The following GRID1 variants were observed in gnomAD, a reference collection of about 807,000 sequenced individuals.
GRID1 encodes the protein glutamate receptor ionotropic, delta-1.
GRID1 carries 28 observed loss-of-function variants against 98.0 expected under a neutral mutation model. The ratio of observed to expected loss-of-function variants is 0.29; its 90% CI spans 0.21 to 0.39. The LOEUF is 0.39. GRID1 is among the 10% of genes least tolerant of loss of function. GRID1 has a pLI of 1.00. For missense variants in GRID1, 1,111 were observed against 1,340.5 expected (o/e 0.83, Z 2.67); for synonymous variants, 553 against 538.5 (o/e 1.03, Z -0.37).
chr10:85,897,582 C>A (rs1841311298), intron 5 of GRID1, among the ~76,000 whole-genome samples: 1 of 152,066 alleles, frequency 6.6e-6, no homozygotes, highest in African/African-American at 2.4e-5. Context: ...TATTGAGTGC[C>A]TACAGAAGTC....
rs971366488 is a variant in GRID1 at position 85,634,205 on chromosome 10, T to A, written c.2193+12997A>T. ...AAAAAAGTTTACCAGTAGAGGGGCT[T>A]TATAGGGGTAGTGGGGGAATTCCTG... On this transcript the variant is annotated intron_variant, in intron 13 of 15. Coordinates refer to ENST00000327946, the MANE Select transcript of GRID1 (RefSeq NM_017551.3). 2.1e-5 allele frequency among the ~76,000 whole-genome samples: 3 copies of A among 141,932 alleles called. No homozygotes were observed. The South Asian group carries it at 6.7e-4, about 32-fold the overall frequency. The allele number at this position is 141,932 out of a possible 152,430, so 93.1% of individuals were successfully genotyped here.
At chr10:86,178,903 C>T (rs79364981) in intron 3 of GRID1, among the ~76,000 whole-genome samples, 222 of 152,292 alleles carry the variant, frequency 1.5e-3, no homozygotes, top group African/African-American at 5.2e-3. Context: ...AGCCAAGAGC[C>T]TTGACCTTGG....
chr10:85,792,732 G>T (rs924402806), intron 8 of GRID1, among the ~76,000 whole-genome samples: 2 of 152,122 alleles, frequency 1.3e-5, no homozygotes, highest in Non-Finnish European at 1.5e-5. Context: ...TCTCAAGCTC[G>T]AAGCCTCTTC....
chr10:85,916,096 C>A lies in GRID1; in HGVS notation c.780+90G>T. 2.0e-6 allele frequency: 2 copies of A among 1,013,296 alleles called. No individual in the cohort carries two copies. The highest frequency in any genetic ancestry group is 2.7e-5 in the South Asian group (2 of 74,600). The allele number at this position is 1,013,296 out of a possible 1,614,324, so 62.8% of individuals were successfully genotyped here. A position where few individuals can be genotyped will look rare whatever the true frequency, so the allele number is the denominator to read the frequency against. ...CAGGATTCACAACAGCCCCCTAAGTCAGAATTGAACTGAAAAGAATCACAC... is the reference window on the plus strand; with the variant it reads ...CAGGATTCACAACAGCCCCCTAAGTAAGAATTGAACTGAAAAGAATCACAC... On this transcript the variant is annotated intron_variant, in intron 5 of 15. Coordinates refer to ENST00000327946, the MANE Select transcript of GRID1 (RefSeq NM_017551.3). The surrounding 1 kb of genome is among the most constrained non-coding windows in gnomAD (Gnocchi z 4.0).
chr10:86,241,397 A>G (rs1345891746), intron 2 of GRID1, among the ~76,000 whole-genome samples: 2 of 152,148 alleles, frequency 1.3e-5, no homozygotes, highest in Non-Finnish European at 2.9e-5. Flanking sequence ...AGAGTGAGGC[A>G]TCTTTACAGG....
chr10:85,945,999 A>C (rs1842049391), intron 4 of GRID1, among the ~76,000 whole-genome samples: 1 of 152,208 alleles, frequency 6.6e-6, no homozygotes, highest in South Asian at 2.1e-4. Context: ...AGGGACAGAT[A>C]AAATATGTTT....
chr10:86,337,992 G>A (rs571106859), intron 2 of GRID1, among the ~76,000 whole-genome samples: 1 of 152,290 alleles, frequency 6.6e-6, no homozygotes, highest in Admixed American at 6.5e-5. Flanking sequence ...ACAGGCGTGA[G>A]CCACCGTACC....
At chr10:85,846,449 A>G (rs1843008102) in intron 8 of GRID1, among the ~76,000 whole-genome samples, 1 of 152,212 alleles carries the variant, frequency 6.6e-6, no homozygotes, top group Non-Finnish European at 1.5e-5. Context: ...ACTTGAACAC[A>G]GGAGGCAGAG....
intron 8 of GRID1, among the ~76,000 whole-genome samples, chr10:85,807,032 A>AG (rs1842628785): frequency 6.6e-6 from 1 of 152,076 alleles, no homozygotes; most frequent in Admixed American, 6.6e-5. Context: ...TAAAAAAAAA[A>AG]TCTTGGTTTA....
intron 12 of GRID1, among the ~76,000 whole-genome samples, chr10:85,669,083 C>T (rs893850395): frequency 4.6e-5 from 7 of 152,206 alleles, no homozygotes; most frequent in Middle Eastern, 3.2e-3. Context: ...TCACAGGGTT[C>T]CCCATTCTAG....
At chr10:85,983,604 G>C (rs1215163585) in intron 4 of GRID1, among the ~76,000 whole-genome samples, 1 of 152,204 alleles carries the variant, frequency 6.6e-6, no homozygotes, top group African/African-American at 2.4e-5. Context: ...ACTTCCTTCT[G>C]AGACCACCCA....
At chr10:85,692,576 A>G (rs1027748091) in intron 12 of GRID1, among the ~76,000 whole-genome samples, 24 of 151,360 alleles carry the variant, frequency 1.6e-4, no homozygotes, top group African/African-American at 5.1e-4. Context: ...CTGAGGTGGG[A>G]GAATAACTTG....
chr10:86,120,685 T>C (rs4934154), intron 4 of GRID1, among the ~76,000 whole-genome samples: 128,144 of 152,194 alleles, frequency 0.84, 54,365 homozygotes, highest in East Asian at 0.92. Context: ...TGTAATGGAT[T>C]ACTAGATTTA....
intron 5 of GRID1, among the ~76,000 whole-genome samples, chr10:85,870,977 A>T (rs1404343694): frequency 1.3e-5 from 2 of 152,088 alleles, no homozygotes; most frequent in Non-Finnish European, 2.9e-5. Flanking sequence ...TTAGAGAGGA[A>T]CAAAACTGGA....
At chr10:85,896,421 A>C (rs538078641) in intron 5 of GRID1, among the ~76,000 whole-genome samples, 1 of 152,322 alleles carries the variant, frequency 6.6e-6, no homozygotes, top group Admixed American at 6.5e-5. Flanking sequence ...GACCAACTTG[A>C]GCTTAAAATT....
intron 4 of GRID1, among the ~76,000 whole-genome samples, chr10:85,976,719 G>A (rs1290013827): frequency 6.6e-6 from 1 of 152,222 alleles, no homozygotes; most frequent in Non-Finnish European, 1.5e-5. Context: ...AGGAGAAGCA[G>A]CTGCTGCTCT....
At chr10:85,668,069 T>G (rs964566277) in intron 12 of GRID1, among the ~76,000 whole-genome samples, 2 of 152,184 alleles carry the variant, frequency 1.3e-5, no homozygotes, top group African/African-American at 4.8e-5. Flanking sequence ...TGGCTGTTGT[T>G]ATTATGAGAT....
At chr10:85,850,753 AC>A (rs1843050620) in intron 8 of GRID1, among the ~76,000 whole-genome samples, 1 of 152,218 alleles carries the variant, frequency 6.6e-6, no homozygotes, top group Non-Finnish European at 1.5e-5. Flanking sequence ...CAAGTGCTGC[AC>A]AGTGTCATTA....
At chr10:86,293,029 A>T (rs535663234) in intron 2 of GRID1, among the ~76,000 whole-genome samples, 10 of 152,086 alleles carry the variant, frequency 6.6e-5, no homozygotes, top group Non-Finnish European at 1.0e-4. Context: ...CCTGCTGCAG[A>T]CCCAGTCTCT....
Sources: allele counts gnomAD v4.1 joint callset (sites outside exome capture counted in the v4.1 genomes callset), GRCh38; gene constraint gnomAD v4.1.1; non-coding constraint Gnocchi (gnomAD v3.1); transcripts MANE v1.5; gene names NCBI Gene and HGNC (gene_info 2026-07-23, HGNC 2026-07-21).